Variants in ATXN10 observed in about 807,000 individuals in gnomAD.
The protein encoded by ATXN10 is ataxin-10.
A neutral mutation model predicts 52.9 loss-of-function variants in ATXN10; 28 were observed. The ratio of observed to expected loss-of-function variants is 0.53; its 90% CI spans 0.39 to 0.73. The LOEUF (loss-of-function observed/expected upper bound fraction) is 0.73. Ranked by LOEUF, ATXN10 falls within the 30% of genes least tolerant of loss-of-function variation. ATXN10 has a pLI of 0.00. For missense variants in ATXN10, 565 were observed against 577.0 expected, an observed-to-expected ratio of 0.98 and a Z score of 0.21; for synonymous variants, 226 against 221.5, an observed-to-expected ratio of 1.02 and a Z score of -0.18.
intron 9 of ATXN10, among the ~76,000 whole-genome samples, chr22:45,804,765 T>C (rs774175799): frequency 1.6e-4 from 24 of 152,210 alleles, no homozygotes; most frequent in Non-Finnish European, 1.8e-4. Context: ...GATTCCAAAG[T>C]CAAAATTATA....
intron 2 of ATXN10, among the ~76,000 whole-genome samples, 175 bp from the exon 3 acceptor site, chr22:45,692,821 A>G (rs1923436763): frequency 6.6e-6 from 1 of 152,242 alleles, no homozygotes; most frequent in African/African-American, 2.4e-5. Context: ...GCATGTAAAT[A>G]TAACCTCTAC....
intron 9 of ATXN10, among the ~76,000 whole-genome samples, chr22:45,796,800 A>C (rs1212803424): frequency 6.6e-6 from 1 of 152,182 alleles, no homozygotes; most frequent in Non-Finnish European, 1.5e-5. Context: ...TGCCTGGCCT[A>C]TACTGGATTT....
rs1924922919 is a variant in ATXN10 at position 45,727,399 on chromosome 22, C to T, written c.729-2026C>T. Among the ~76,000 whole-genome samples the T allele has an allele frequency of 6.6e-6, 1 of 151,694 alleles. No individual in the cohort carries two copies. Among genetic ancestry groups the T allele is most frequent in the South Asian group, 2.1e-4 (1 of 4,820 alleles). On this transcript the variant is annotated intron_variant, in intron 6 of 11. Transcript: ENST00000252934. This position sits in a 1 kb window ranked among gnomAD's most constrained non-coding sequence, Gnocchi z 4.6. ...TCTGAGACTGAGTCTCGCTCTGTTG[C>T]CCAGGCTGGGGTGCAGTGGCACGAT...
At position 45,828,014 on chromosome 22, in the gene ATXN10, T is replaced by C. The variant is rs1042832269; in HGVS notation, c.1238-14977T>C. ...TTATGGAAATTAAAAAACATACTGT[T>C]AACCAGTAGATCAAAGAAGAAATCA... On this transcript the variant is annotated intron_variant, in intron 10 of 11. Coordinates refer to ENST00000252934, the MANE Select transcript of ATXN10 (RefSeq NM_013236.4). The surrounding 1 kb of genome is among the most constrained non-coding windows in gnomAD (Gnocchi z 4.5). 6.6e-6 allele frequency among the ~76,000 whole-genome samples: 1 copy of C among 152,160 alleles called. No homozygotes were observed. The highest frequency in any genetic ancestry group is 2.1e-4 in the South Asian group (1 of 4,832).
chr22:45,763,372 G>A lies in ATXN10; in HGVS notation c.1173+22834G>A, dbSNP rs2063770464. Among the ~76,000 whole-genome samples the A allele has an allele frequency of 1.3e-5, 2 of 152,180 alleles. No individual in the cohort carries two copies. The highest frequency in any genetic ancestry group is 4.8e-5 in the African/African-American group (2 of 41,448). Reference sequence around the variant, plus strand: ...GGAGTGAAGGTTTCGTCAAGGTTACGAAAGGCCTTTGAGTTCAAGCTGAGG... The same window carrying A: ...GGAGTGAAGGTTTCGTCAAGGTTACAAAAGGCCTTTGAGTTCAAGCTGAGG... On this transcript the variant is annotated intron_variant, in intron 9 of 11. Transcript: ENST00000252934. This position sits in a 1 kb window ranked among gnomAD's most constrained non-coding sequence, Gnocchi z 6.9.
rs1359771365 is a variant in ATXN10, at chr22:45,677,358, C to T, written c.116+5179C>T. 1.3e-5 allele frequency: 2 copies of T among 152,012 alleles called. No homozygotes were observed. The highest frequency in any genetic ancestry group is 2.9e-5 in the Non-Finnish European group (2 of 68,006). The allele number at this position is 152,012 out of a possible 1,614,324, so 9.4% of individuals were successfully genotyped here. On this transcript the variant is annotated intron_variant, in intron 1 of 11. Transcript: ENST00000252934. This position sits in a 1 kb window ranked among gnomAD's most constrained non-coding sequence, Gnocchi z 4.1. ...TATTTCTATAACTTATTACTCATTG[C>T]ACTTGCTTGGTCTTTTTCTTAGTCG...
intron 3 of ATXN10, among the ~76,000 whole-genome samples, chr22:45,695,027 T>C (rs1397660564): frequency 6.7e-6 from 1 of 149,814 alleles, no homozygotes; most frequent in African/African-American, 2.5e-5. Flanking sequence ...TACTAAATTA[T>C]AGGTTAAATT....
Position 45,816,784 on chromosome 22 carries a change from T to C in ATXN10, c.1237+9762T>C, listed in dbSNP as rs1928476788. On this transcript the variant is annotated intron_variant, in intron 10 of 11. Transcript: ENST00000252934. This position sits in a 1 kb window ranked among gnomAD's most constrained non-coding sequence, Gnocchi z 5.8. Reference sequence around the variant, plus strand: ...CCTCGTGGAGTCTTTATTAGTCACATGTGCATTTTGGAGCTTCCATTTGGG... The same window carrying C: ...CCTCGTGGAGTCTTTATTAGTCACACGTGCATTTTGGAGCTTCCATTTGGG... Among the ~76,000 whole-genome samples the C allele has an allele frequency of 6.6e-6, 1 of 152,218 alleles. No homozygotes were observed. Among genetic ancestry groups the C allele is most frequent in the African/African-American group, 2.4e-5 (1 of 41,454 alleles).
intron 6 of ATXN10, among the ~76,000 whole-genome samples, chr22:45,721,863 C>G (rs1924665436): frequency 6.6e-6 from 1 of 152,042 alleles, no homozygotes; most frequent in African/African-American, 2.4e-5. Context: ...TGCAGTGAGC[C>G]AAGATTGCTT....
intron 9 of ATXN10, among the ~76,000 whole-genome samples, chr22:45,764,352 C>T (rs1374734840): frequency 2.0e-5 from 3 of 151,992 alleles, no homozygotes; most frequent in Non-Finnish European, 2.9e-5. Flanking sequence ...GGTAAGTTTC[C>T]GTGGAAGGGT....
rs542491790 is a variant in ATXN10 at position 45,843,521 on chromosome 22, C to T, written c.1426-148C>T. On this transcript the variant is annotated intron_variant, in intron 11 of 11. Coordinates refer to ENST00000252934, the MANE Select transcript of ATXN10 (RefSeq NM_013236.4). This position sits in a 1 kb window ranked among gnomAD's most constrained non-coding sequence, Gnocchi z 4.5. ...TCACTATAGTTTAAAAAACAGAACT[C>T]CTTGAATAATATTGCATGAATTGTT... The T allele has an allele frequency of 1.3e-6, 1 of 762,668 alleles. No individual in the cohort carries two copies. Among genetic ancestry groups the T allele is most frequent in the Admixed American group, 2.1e-5 (1 of 46,560 alleles). The allele number at this position is 762,668 out of a possible 1,614,324, so 47.2% of individuals were successfully genotyped here.
intron 9 of ATXN10, among the ~76,000 whole-genome samples, chr22:45,758,607 A>G (rs1468072756): frequency 6.6e-6 from 1 of 152,252 alleles, no homozygotes; most frequent in Non-Finnish European, 1.5e-5. Flanking sequence ...ATGCTCTGAC[A>G]GCTATCTTTA....
rs557901580 is a variant in ATXN10 at position 45,780,147 on chromosome 22, G to A, written c.1174-26812G>A. ...CACCCAGGCTGGAGTGCAGTGGCAC[G>A]ATCTTGGTTCACTGCAACCTCCACC... On this transcript the variant is annotated intron_variant, in intron 9 of 11. Coordinates refer to ENST00000252934, the MANE Select transcript of ATXN10 (RefSeq NM_013236.4). The surrounding 1 kb of genome is among the most constrained non-coding windows in gnomAD (Gnocchi z 4.0). Among the ~76,000 whole-genome samples the A allele has an allele frequency of 6.0e-5, 9 of 151,128 alleles. No homozygotes were observed. The highest frequency in any genetic ancestry group is 1.2e-4 in the Non-Finnish European group (8 of 67,932).
chr22:45,809,845 G>A (rs1928223810), intron 10 of ATXN10, among the ~76,000 whole-genome samples: 1 of 152,144 alleles, frequency 6.6e-6, no homozygotes, highest in Admixed American at 6.5e-5. Context: ...TGTGTTGCTA[G>A]TATTTTCTCT....
At position 45,805,548 on chromosome 22, in the gene ATXN10, G is replaced by A. The variant is rs1193964500; in HGVS notation, c.1174-1411G>A. Among the ~76,000 whole-genome samples the A allele has an allele frequency of 6.6e-6, 1 of 152,206 alleles. No homozygotes were observed. The highest frequency in any genetic ancestry group is 2.4e-5 in the African/African-American group (1 of 41,448). On this transcript the variant is annotated intron_variant, in intron 9 of 11. Coordinates refer to ENST00000252934, the MANE Select transcript of ATXN10 (RefSeq NM_013236.4). This position sits in a 1 kb window ranked among gnomAD's most constrained non-coding sequence, Gnocchi z 4.4. ...GTGAAAAGAAATGAAGCGCTGACAT[G>A]CCACAACATGGGTGAACCTTGAGTG... is the stretch of plus-strand genomic sequence containing the variant.
intron 3 of ATXN10, among the ~76,000 whole-genome samples, chr22:45,693,738 G>A (rs1923475210): frequency 6.6e-6 from 1 of 152,076 alleles, no homozygotes; most frequent in African/African-American, 2.4e-5. Context: ...TAAAATGAGG[G>A]TATATGACTG....
chr22:45,711,918 A>G (rs1924264562), intron 5 of ATXN10, among the ~76,000 whole-genome samples: 1 of 152,218 alleles, frequency 6.6e-6, no homozygotes, highest in African/African-American at 2.4e-5. Flanking sequence ...CTTTTTACCA[A>G]CAGTGTATGG....
intron 9 of ATXN10, among the ~76,000 whole-genome samples, chr22:45,799,338 A>C (rs1265788459): frequency 6.6e-6 from 1 of 152,222 alleles, no homozygotes; most frequent in Non-Finnish European, 1.5e-5. Flanking sequence ...CCCAAAATTC[A>C]TATGTTGAAT....
chr22:45,769,654 AAAG>A lies in ATXN10; in HGVS notation c.1173+29121_1173+29123del, dbSNP rs1341343227. ...GAATCTCAAATAGACTTGGTCAAGA[AAAG>A]AAGACCAAGGCCGATTCCCTAGGAC... is the stretch of plus-strand genomic sequence containing the variant. On this transcript the variant is annotated intron_variant, in intron 9 of 11. Coordinates refer to ENST00000252934, the MANE Select transcript of ATXN10 (RefSeq NM_013236.4). The surrounding 1 kb of genome is among the most constrained non-coding windows in gnomAD (Gnocchi z 4.2). Among the ~76,000 whole-genome samples the A allele has an allele frequency of 6.6e-6, 1 of 152,200 alleles. No individual in the cohort carries two copies. The highest frequency in any genetic ancestry group is 6.5e-5 in the Admixed American group (1 of 15,284).
Sources: allele counts gnomAD v4.1 joint callset (sites outside exome capture counted in the v4.1 genomes callset), GRCh38; gene constraint gnomAD v4.1.1; non-coding constraint Gnocchi (gnomAD v3.1); transcripts MANE v1.5; gene names NCBI Gene and HGNC (gene_info 2026-07-23, HGNC 2026-07-21).